PKIB: variants seen among roughly 807,000 people sequenced by gnomAD.
The protein encoded by PKIB is PKI-beta.
Under a neutral mutation model 4.5 loss-of-function variants are expected in PKIB, and 2 were observed. The ratio of observed to expected loss-of-function variants is 0.44; its 90% CI spans 0.18 to 1.39. The LOEUF is 1.39. Ranked by LOEUF, PKIB falls within the 40% of genes most tolerant of loss-of-function variation. The pLI, the probability that PKIB is intolerant of heterozygous loss-of-function variation, is 0.27. For synonymous variants in PKIB, 38 were observed against 36.0 expected (o/e 1.06, Z -0.20); for missense variants, 94 against 92.6 (o/e 1.02, Z -0.06).
chr6:122,671,686 A>G (rs1777468979), intron 2 of PKIB, among the ~76,000 whole-genome samples: 1 of 152,140 alleles, frequency 6.6e-6, no homozygotes, highest in Admixed American at 6.5e-5. Flanking sequence ...TGTATTTAAA[A>G]CTTTGATATT....
chr6:122,600,685 C>G (rs1023239031), intron 3 of PKIB, among the ~76,000 whole-genome samples: 25 of 152,104 alleles, frequency 1.6e-4, no homozygotes, highest in Admixed American at 7.2e-4. Flanking sequence ...GGTAACATAA[C>G]TATGACCAAG....
At chr6:122,557,254 A>G (rs1437596061) in intron 2 of PKIB, among the ~76,000 whole-genome samples, 1 of 152,136 alleles carries the variant, frequency 6.6e-6, no homozygotes, top group Non-Finnish European at 1.5e-5. Context: ...CAAGGTAACA[A>G]ATTAGTGCAT....
At chr6:122,622,369 C>T (rs556975072) in intron 1 of PKIB, among the ~76,000 whole-genome samples, 2 of 152,068 alleles carry the variant, frequency 1.3e-5, no homozygotes, top group East Asian at 3.9e-4. Context: ...TTTAGTTTTT[C>T]TGACAGCTAC....
chr6:122,542,730 A>T (rs1400818841), intron 2 of PKIB, among the ~76,000 whole-genome samples: 1 of 151,732 alleles, frequency 6.6e-6, no homozygotes, highest in East Asian at 1.9e-4. Flanking sequence ...GAGAACCACT[A>T]CTCTCTTCAA....
At chr6:122,541,770 C>A (rs1467530869) in intron 2 of PKIB, among the ~76,000 whole-genome samples, 1 of 151,922 alleles carries the variant, frequency 6.6e-6, no homozygotes, top group African/African-American at 2.4e-5. Flanking sequence ...TAATATCCTG[C>A]AGAGTGTTTT....
intron 2 of PKIB, among the ~76,000 whole-genome samples, chr6:122,484,443 G>C (rs769198197): frequency 6.6e-6 from 1 of 152,108 alleles, no homozygotes; most frequent in Admixed American, 6.6e-5. Flanking sequence ...AAGGACAATT[G>C]CAAGGAATAA....
intron 2 of PKIB, among the ~76,000 whole-genome samples, chr6:122,532,360 AACCTTTTT>A (rs1477606501): frequency 6.6e-6 from 1 of 152,158 alleles, no homozygotes; most frequent in Non-Finnish European, 1.5e-5. Flanking sequence ...TTTTTATAAC[AACCTTTTT>A]ATTGTGGTAA....
At chr6:122,658,131 G>A (rs1459809138) in intron 2 of PKIB, among the ~76,000 whole-genome samples, 1 of 151,922 alleles carries the variant, frequency 6.6e-6, no homozygotes, top group Non-Finnish European at 1.5e-5. Flanking sequence ...TTTTAATCTG[G>A]GAGTCTAAAA....
intron 2 of PKIB, among the ~76,000 whole-genome samples, chr6:122,581,523 A>G (rs1327405904): frequency 6.6e-6 from 1 of 152,162 alleles, no homozygotes; most frequent in African/African-American, 2.4e-5. Flanking sequence ...AAAAATAGCA[A>G]GACTAGGTTA....
chr6:122,603,092 A>AC (rs1224494250), intron 3 of PKIB, among the ~76,000 whole-genome samples: 6 of 152,042 alleles, frequency 3.9e-5, no homozygotes, highest in African/African-American at 1.4e-4. Flanking sequence ...GACTCCATCC[A>AC]CCCCAACTCT....
At chr6:122,501,545 A>G (rs1373331295) in intron 2 of PKIB, among the ~76,000 whole-genome samples, 1 of 152,186 alleles carries the variant, frequency 6.6e-6, no homozygotes, top group Non-Finnish European at 1.5e-5. Context: ...GTTTGAAACA[A>G]TGGCTCGAGC....
intron 2 of PKIB, among the ~76,000 whole-genome samples, chr6:122,647,116 A>G (rs1469285897): frequency 6.6e-6 from 1 of 152,132 alleles, no homozygotes; most frequent in Non-Finnish European, 1.5e-5. Flanking sequence ...GAATGGGCTT[A>G]AGGAATCCAC....
intron 2 of PKIB, among the ~76,000 whole-genome samples, chr6:122,552,247 T>C (rs1323239322): frequency 6.6e-6 from 1 of 152,200 alleles, no homozygotes; most frequent in African/African-American, 2.4e-5. Context: ...TTCTGCAGCA[T>C]GAGTCTCTTT....
rs116929218 is a variant in PKIB at position 122,572,141 on chromosome 6, C to T, written c.-247-13780C>T. On this transcript the variant is annotated intron_variant, in intron 2 of 6. Coordinates refer to the PKIB transcript ENST00000392491. The stretch of plus-strand genomic sequence containing the variant: ...ATGGAAACTGAAAGCAAGCAGGAGT[C>T]ACTATTCTTACATTAGACAAACCAG... Among the ~76,000 whole-genome samples the T allele has an allele frequency of 2.6e-4, 40 of 152,014 alleles. No individual in the cohort carries two copies. The East Asian group carries it at 7.0e-3, about 27-fold the overall frequency.
intron 3 of PKIB, among the ~76,000 whole-genome samples, chr6:122,676,436 G>T (rs1443252347): frequency 2.0e-5 from 3 of 152,138 alleles, no homozygotes; most frequent in Non-Finnish European, 4.4e-5. Flanking sequence ...TGGCCCAAGT[G>T]TAAAGAAGAT....
At chr6:122,557,448 G>A (rs780913997) in intron 2 of PKIB, among the ~76,000 whole-genome samples, 5 of 152,294 alleles carry the variant, frequency 3.3e-5, no homozygotes, top group Non-Finnish European at 7.3e-5. Context: ...TGGTTAAGCT[G>A]AGAACCGTAT....
intron 2 of PKIB, among the ~76,000 whole-genome samples, chr6:122,557,634 T>C (rs896270240): frequency 1.3e-5 from 2 of 152,182 alleles, no homozygotes; most frequent in African/African-American, 4.8e-5. Flanking sequence ...CCCTGGCAAT[T>C]AGGAGCAGTC....
At chr6:122,553,120 C>G (rs534621354) in intron 2 of PKIB, among the ~76,000 whole-genome samples, 14 of 152,216 alleles carry the variant, frequency 9.2e-5, no homozygotes, top group Admixed American at 2.6e-4. Flanking sequence ...CTACCCAAAG[C>G]TCTCTGTCAC....
At chr6:122,659,977 C>T (rs986071811) in intron 2 of PKIB, among the ~76,000 whole-genome samples, 1 of 152,148 alleles carries the variant, frequency 6.6e-6, no homozygotes, top group Non-Finnish European at 1.5e-5. Context: ...AAACATTTAT[C>T]CAGTGCAGCA....
Sources: allele counts gnomAD v4.1 joint callset (sites outside exome capture counted in the v4.1 genomes callset), GRCh38; gene constraint gnomAD v4.1.1; transcripts MANE v1.5; gene names NCBI Gene and HGNC (gene_info 2026-07-23, HGNC 2026-07-21).